Variants in PLPBP observed in about 807,000 individuals in gnomAD.
The protein encoded by PLPBP is pyridoxal phosphate homeostasis protein.
PLPBP carries 21 observed loss-of-function variants against 31.2 expected under a neutral mutation model. That is an observed-to-expected ratio of 0.67 (90% CI 0.48 to 0.97). PLPBP has a LOEUF of 0.97. Ranked by LOEUF, PLPBP falls within the 50% of genes least tolerant of loss-of-function variation. PLPBP has a pLI of 0.00. For synonymous variants in PLPBP, 124 were observed against 135.6 expected (o/e 0.91, Z 0.59); for missense variants, 308 against 354.4 (o/e 0.87, Z 1.05).
chr8:37,773,554 C>T (rs1300850995), intron 5 of PLPBP, among the ~76,000 whole-genome samples: 3 of 151,846 alleles, frequency 2.0e-5, no homozygotes, highest in South Asian at 2.1e-4. Context: ...CTGCAACCTC[C>T]GCCTCCTGGG....
intron 4 of PLPBP, among the ~76,000 whole-genome samples, chr8:37,767,677 C>A (rs1803669518): frequency 6.6e-6 from 1 of 151,898 alleles, no homozygotes; most frequent in African/African-American, 2.4e-5. Flanking sequence ...GGATATATTT[C>A]CCTTTTTCTT....
intron 7 of PLPBP, among the ~76,000 whole-genome samples, chr8:37,777,754 A>T (rs773763084): frequency 2.0e-5 from 3 of 151,956 alleles, no homozygotes; most frequent in Non-Finnish European, 4.4e-5. Flanking sequence ...TGTATTTTTA[A>T]TAGAGACAGG....
At position 37,779,415 on chromosome 8, in the gene PLPBP, C is replaced by T. The variant is rs1197765141; in HGVS notation, c.*1311C>T. 6.6e-6 allele frequency: 1 copy of T among 152,168 alleles called. No individual in the cohort carries two copies. Among genetic ancestry groups the T allele is most frequent in the Non-Finnish European group, 1.5e-5 (1 of 68,028 alleles). 9.4% of individuals were successfully genotyped at this position (152,168 alleles called of 1,614,324 possible). Reference sequence around the variant, plus strand: ...AGTTACAGCTTCCCCACTGTATTTACAAGCCAGAATTGTGCAACTCTTCTG... The same window carrying T: ...AGTTACAGCTTCCCCACTGTATTTATAAGCCAGAATTGTGCAACTCTTCTG... On this transcript the variant is annotated 3_prime_UTR_variant, in exon 8 of 8. Transcript: ENST00000328195.
At chr8:37,776,544 A>C (rs1344928019) in intron 7 of PLPBP, among the ~76,000 whole-genome samples, 1 of 151,516 alleles carries the variant, frequency 6.6e-6, no homozygotes, top group African/African-American at 2.4e-5. Flanking sequence ...ATAGCCTGAC[A>C]TCTGAACTTT....
chr8:37,778,314 C>T lies in PLPBP; in HGVS notation c.*210C>T, dbSNP rs565777290. ...TTGAGTTTGAGAAATTCAAACATTT[C>T]TGCAGAACAGATACCAAATCAATAG... On this transcript the variant is annotated 3_prime_UTR_variant, in exon 8 of 8. Coordinates refer to ENST00000328195, the MANE Select transcript of PLPBP (RefSeq NM_007198.4). 154 of 433,102 alleles carry T rather than the reference C, an allele frequency of 3.6e-4. No homozygotes were observed. Among genetic ancestry groups the T allele is most frequent in the African/African-American group, 2.8e-3 (142 of 50,096 alleles). 26.8% of individuals were successfully genotyped at this position (433,102 alleles called of 1,614,324 possible).
chr8:37,776,766 G>A (rs1704474150), intron 7 of PLPBP, among the ~76,000 whole-genome samples: 1 of 152,010 alleles, frequency 6.6e-6, no homozygotes, highest in South Asian at 2.1e-4. Context: ...AAGGCTTCAT[G>A]TTTGTTTGTT....
chr8:37,776,433 G>A (rs1185233840), intron 7 of PLPBP, among the ~76,000 whole-genome samples: 5 of 125,760 alleles, frequency 4.0e-5, no homozygotes, highest in South Asian at 2.4e-4. Context: ...CCGAGGTCGC[G>A]CCACTGCACT....
intron 5 of PLPBP, 125 bp downstream of exon 5, chr8:37,773,014 C>CT: frequency 1.5e-6 from 2 of 1,303,788 alleles, no homozygotes; most frequent in East Asian, 4.7e-5. Flanking sequence ...TCACAGGCCT[C>CT]TAAGTTGGCT....
At chr8:37,771,767 C>T (rs527536254) in intron 4 of PLPBP, among the ~76,000 whole-genome samples, 1 of 152,236 alleles carries the variant, frequency 6.6e-6, no homozygotes, top group African/African-American at 2.4e-5. Flanking sequence ...CAAGAACAGC[C>T]TGGCCAACAT....
In PLPBP at chr8:37,778,492, TG is replaced by T. The variant is rs1309205706; in HGVS notation, c.*390del. 1 of 159,044 alleles carries T rather than the reference TG, an allele frequency of 6.3e-6. No homozygotes were observed. Among genetic ancestry groups the T allele is most frequent in the African/African-American group, 2.4e-5 (1 of 41,624 alleles). The allele number at this position is 159,044 out of a possible 1,614,324, so 9.9% of individuals were successfully genotyped here. On this transcript the variant is annotated 3_prime_UTR_variant, in exon 8 of 8. Coordinates refer to ENST00000328195, the MANE Select transcript of PLPBP (RefSeq NM_007198.4). The stretch of plus-strand genomic sequence containing the variant: ...CTCATTTTAATAGGAAAATTCCTTA[TG>T]GTTAACATCTCCCTACAAACTCCTA...
intron 7 of PLPBP, among the ~76,000 whole-genome samples, chr8:37,776,321 C>T (rs1318451961): frequency 6.6e-6 from 1 of 151,336 alleles, no homozygotes; most frequent in African/African-American, 2.4e-5. Context: ...CCTAAAAATA[C>T]AAAAATTAGC....
At chr8:37,766,791 C>T (rs1803641334) in intron 4 of PLPBP, 1 of 410,062 alleles carries the variant, frequency 2.4e-6, no homozygotes, top group South Asian at 1.0e-4. Context: ...CACCTATAAT[C>T]CCAGCACCAT....
intron 5 of PLPBP, 51 bp downstream of exon 5, chr8:37,772,940 A>C: frequency 6.2e-7 from 1 of 1,602,236 alleles, no homozygotes; most frequent in South Asian, 1.1e-5. Context: ...GGATGGTTGA[A>C]GCTTAGGGAG....
chr8:37,765,737 A>C lies in PLPBP; in HGVS notation c.234A>C (p.Ser78=). ...TTCAGGAACTGCTAGAAAAAGCATC[A>C]AATCCCAAAGTAAGTAGATAGCTGA... ...NYVQELLEKA[S]NPKILSLCPE... is the part of the protein sequence containing the mutation. The change falls in exon 3 of 8, where the codon TCA becomes TCC. Residue 78 remains serine (S), a synonymous_variant. Coordinates refer to ENST00000328195, the MANE Select transcript of PLPBP (RefSeq NM_007198.4). 6.2e-7 allele frequency: 1 copy of C among 1,611,932 alleles called. No homozygotes were observed. The highest frequency in any genetic ancestry group is 8.5e-7 in the Non-Finnish European group (1 of 1,179,544).
At chr8:37,763,473 A>G (rs1803538433) in intron 1 of PLPBP, among the ~76,000 whole-genome samples, 1 of 152,210 alleles carries the variant, frequency 6.6e-6, no homozygotes, top group South Asian at 2.1e-4. Context: ...TGCTGGCTGA[A>G]GACAAGACCT....
At chr8:37,764,809 T>A (rs1803578528) in intron 1 of PLPBP, among the ~76,000 whole-genome samples, 1 of 152,240 alleles carries the variant, frequency 6.6e-6, no homozygotes, top group Non-Finnish European at 1.5e-5. Flanking sequence ...TGCAGCCTTC[T>A]ATTAATGAAG....
chr8:37,765,882 C>A, intron 3 of PLPBP, 136 bp downstream of exon 3: 1 of 914,198 alleles, frequency 1.1e-6, no homozygotes, highest in Non-Finnish European at 1.7e-6. Context: ...ATAGAAATGT[C>A]AGCTTCCTCC....
At chr8:37,766,432 C>G in intron 4 of PLPBP, 77 bp downstream of exon 4, 2 of 1,467,710 alleles carry the variant, frequency 1.4e-6, no homozygotes, top group Non-Finnish European at 1.8e-6. Flanking sequence ...GAAGAGAGAG[C>G]AACTTTTAGA....
chr8:37,776,494 A>AAAAAAAAAAC (rs1278588300), intron 7 of PLPBP, among the ~76,000 whole-genome samples: 2 of 150,572 alleles, frequency 1.3e-5, no homozygotes, highest in African/African-American at 2.4e-5. Flanking sequence ...AAAAAAAAAA[A>AAAAAAAAAAC]AAAAAAAAAC....
Sources: gnomAD v4.1 joint callset for allele counts (sites outside exome capture counted in the v4.1 genomes callset) on GRCh38, gnomAD v4.1.1 for gene constraint, MANE v1.5 for transcripts, NCBI Gene and HGNC (gene_info 2026-07-23, HGNC 2026-07-21) for gene names.